The following WDR33 variants were observed in gnomAD, a reference collection of about 807,000 sequenced individuals.
The protein encoded by WDR33 is WD repeat domain 33, also known as pre-mRNA 3' end processing protein WDR33.
Under a neutral mutation model 164.9 loss-of-function variants are expected in WDR33, and 47 were observed. The ratio of observed to expected loss-of-function variants is 0.29; its 90% CI spans 0.23 to 0.36. WDR33 has a LOEUF of 0.36. WDR33 is among the 10% of genes least tolerant of loss of function. The pLI is 1.00. For missense variants in WDR33, 1,137 were observed against 1,754.1 expected, an observed-to-expected ratio of 0.65 and a Z score of 6.28; for synonymous variants, 505 against 589.0, an observed-to-expected ratio of 0.86 and a Z score of 2.06.
rs1558914192 is a variant in WDR33 at position 127,701,836 on chromosome 2, T to C, written c.*4487A>G. On this transcript the variant is annotated 3_prime_UTR_variant, in exon 22 of 22. Transcript: ENST00000322313. ...GCGCTCTACGCACCGGTGTTGCTGC[T>C]GCGCGCGCGCAAGTTCGCGCTGCTC... 3.4e-6 allele frequency: 5 copies of C among 1,458,702 alleles called. No homozygotes were observed. Among genetic ancestry groups the C allele is most frequent in the Non-Finnish European group, 4.5e-6 (5 of 1,109,882 alleles). 90.4% of individuals were successfully genotyped at this position (1,458,702 alleles called of 1,614,324 possible).
chr2:127,763,487 A>G lies in WDR33; in HGVS notation c.627-328T>C. The stretch of plus-strand genomic sequence containing the variant: ...GAAGCTGCCTTAAGTGGTGAAAATA[A>G]ATGGATTCTATTTTTGCAGTATTCC... On this transcript the variant is annotated intron_variant, in intron 6 of 21. Coordinates refer to ENST00000322313, the MANE Select transcript of WDR33 (RefSeq NM_018383.5). This position sits in a 1 kb window ranked among gnomAD's most constrained non-coding sequence, Gnocchi z 4.5. The G allele has an allele frequency of 9.3e-7, 1 of 1,072,900 alleles. No homozygotes were observed. Among genetic ancestry groups the G allele is most frequent in the African/African-American group, 1.7e-5 (1 of 60,162 alleles). 66.5% of individuals were successfully genotyped at this position (1,072,900 alleles called of 1,614,324 possible). A position where few individuals can be genotyped will look rare whatever the true frequency, so the allele number is the denominator to read the frequency against.
At chr2:127,795,836 G>GAA (rs200785408) in intron 1 of WDR33, among the ~76,000 whole-genome samples, 38 of 143,986 alleles carry the variant, frequency 2.6e-4, no homozygotes, top group South Asian at 4.4e-4. Context: ...TTTGTCTCCG[G>GAA]AAAAAAAAAA....
At chr2:127,766,187 T>C in intron 4 of WDR33, among the ~76,000 whole-genome samples, 1 of 152,164 alleles carries the variant, frequency 6.6e-6, no homozygotes, top group East Asian at 1.9e-4. Context: ...GTTTCTATGA[T>C]GGATCACACA....
intron 1 of WDR33, among the ~76,000 whole-genome samples, chr2:127,810,211 C>CT (rs2104699634): frequency 6.6e-6 from 1 of 152,266 alleles, no homozygotes; most frequent in Non-Finnish European, 1.5e-5. Context: ...GAACAGTCAA[C>CT]TTAAGATCAT....
chr2:127,771,269 A>G (rs1197504805), intron 1 of WDR33, among the ~76,000 whole-genome samples: 1 of 152,228 alleles, frequency 6.6e-6, no homozygotes, highest in Non-Finnish European at 1.5e-5. Flanking sequence ...CTACACACGT[A>G]GGCTACACGG....
chr2:127,798,892 CTTTT>C (rs545777982), intron 1 of WDR33: 1 of 142,284 alleles, frequency 7.0e-6, no homozygotes, highest in African/African-American at 2.6e-5. Context: ...TTATAGCTTT[CTTTT>C]TTTTTTTTTA....
In WDR33 at chr2:127,763,102, G is replaced by C; in HGVS notation, c.684C>G (p.Ile228Met). 1 of 1,614,072 alleles carries C rather than the reference G, an allele frequency of 6.2e-7. No homozygotes were observed. The highest frequency in any genetic ancestry group is 8.5e-7 in the Non-Finnish European group (1 of 1,179,934). ...ATCSDDGTVR[I>M]WDFLRCHEER... ...CCTCATGGCAACGAAGAAAGTCCCA[G>C]ATTCTAACAGTGCCGTCATCAGAGC... is the stretch of plus-strand genomic sequence containing the variant. The change falls in exon 7 of 22, where the codon ATC (isoleucine) becomes ATG (methionine). Residue 228 changes from isoleucine to methionine, a missense_variant. Around this residue, in one of 9 missense-constraint regions of WDR33, gnomAD observed 83 missense variants for 189.2 expected, o/e 0.44. Coordinates refer to ENST00000322313, the MANE Select transcript of WDR33 (RefSeq NM_018383.5). The surrounding 1 kb of genome is among the most constrained non-coding windows in gnomAD (Gnocchi z 4.5).
chr2:127,773,103 T>C (rs760483569), intron 1 of WDR33, among the ~76,000 whole-genome samples: 1 of 152,022 alleles, frequency 6.6e-6, no homozygotes, highest in Non-Finnish European at 1.5e-5. Flanking sequence ...ACCACTGCAC[T>C]CCAACCTGGG....
rs535406544 is a variant in WDR33 at position 127,718,627 on chromosome 2, G to C, written c.2760+638C>G. Among the ~76,000 whole-genome samples, 4 of 152,192 alleles carry C rather than the reference G, an allele frequency of 2.6e-5. No individual in the cohort carries two copies. In the South Asian group the frequency reaches 8.3e-4, roughly 32 times the overall value. ...AATTTCTACAGAAATGCTCCCCCCT[G>C]CAAATACTTTTATATGTGAGCTGAA... On this transcript the variant is annotated intron_variant, in intron 16 of 21. Coordinates refer to ENST00000322313, the MANE Select transcript of WDR33 (RefSeq NM_018383.5). The surrounding 1 kb of genome is among the most constrained non-coding windows in gnomAD (Gnocchi z 4.4).
chr2:127,793,442 A>C (rs1480939390), intron 1 of WDR33, among the ~76,000 whole-genome samples: 2 of 150,126 alleles, frequency 1.3e-5, no homozygotes, highest in Admixed American at 6.6e-5. Context: ...AGGAAAAAAA[A>C]CAAAAAGCTC....
In WDR33 at chr2:127,767,647, G is replaced by A. The variant is rs571954342; in HGVS notation, c.378+542C>T. On this transcript the variant is annotated intron_variant, in intron 4 of 21. Transcript: ENST00000322313. ...GGAGAATGGCGTGAACCCGGGGGGCGGAGCTTGCAGTGAGCCGAGATCACG... is the reference window on the plus strand; with the variant it reads ...GGAGAATGGCGTGAACCCGGGGGGCAGAGCTTGCAGTGAGCCGAGATCACG... Among the ~76,000 whole-genome samples the A allele has an allele frequency of 6.6e-5, 10 of 152,124 alleles. No individual in the cohort carries two copies. In the South Asian group the frequency reaches 1.7e-3, roughly 25 times the overall value.
At chr2:127,762,481 T>C (rs1687705511) in intron 7 of WDR33, 1 of 973,416 alleles carries the variant, frequency 1.0e-6, no homozygotes, top group Non-Finnish European at 1.2e-6. Context: ...AGTGAGAATA[T>C]GGACTTCAGT....
At chr2:127,776,568 G>A (rs149539817) in intron 1 of WDR33, among the ~76,000 whole-genome samples, 2,168 of 152,256 alleles carry the variant, frequency 0.014, 63 homozygotes, top group African/African-American at 0.05. Context: ...AATTAGCCGG[G>A]CCTGGTGGTG....
intron 18 of WDR33, among the ~76,000 whole-genome samples, chr2:127,711,747 TACAG>T (rs1686169278): frequency 1.9e-5 from 2 of 104,262 alleles, no homozygotes; most frequent in East Asian, 2.5e-4. Flanking sequence ...CAACCACATA[TACAG>T]ATATATATAT....
rs932495415 is a variant in WDR33, at chr2:127,705,367, C to T, written c.*956G>A. ...TCTGGCTTACTGTGAGTTAGAAGTA[C>T]GCCCTGCCGTAACACTGGTATTTCC... On this transcript the variant is annotated 3_prime_UTR_variant, in exon 22 of 22. Coordinates refer to ENST00000322313, the MANE Select transcript of WDR33 (RefSeq NM_018383.5). This position sits in a 1 kb window ranked among gnomAD's most constrained non-coding sequence, Gnocchi z 4.5. 4.5e-5 allele frequency: 7 copies of T among 156,490 alleles called. No homozygotes were observed. The highest frequency in any genetic ancestry group is 8.8e-5 in the Non-Finnish European group (6 of 68,056). 9.7% of individuals were successfully genotyped at this position (156,490 alleles called of 1,614,324 possible).
intron 7 of WDR33, among the ~76,000 whole-genome samples, chr2:127,757,928 G>A (rs1226961260): frequency 6.6e-6 from 1 of 152,124 alleles, no homozygotes; most frequent in Admixed American, 6.5e-5. Context: ...GGGGCACACA[G>A]AGACTTAACA....
chr2:127,779,449 G>A (rs1371615916), intron 1 of WDR33, among the ~76,000 whole-genome samples: 2 of 151,956 alleles, frequency 1.3e-5, no homozygotes, highest in Non-Finnish European at 2.9e-5. Context: ...CTGGGCAACA[G>A]GGCGAGACTC....
chr2:127,765,566 G>C (rs998400100), intron 4 of WDR33, among the ~76,000 whole-genome samples: 1 of 152,004 alleles, frequency 6.6e-6, no homozygotes, highest in East Asian at 1.9e-4. Flanking sequence ...TTTCAAAACA[G>C]AATATGCAAA....
At position 127,719,811 on chromosome 2, in the gene WDR33, T is replaced by A; in HGVS notation, c.2214A>T (p.Gln738His). 6.2e-7 allele frequency: 1 copy of A among 1,613,674 alleles called. No homozygotes were observed. The highest frequency in any genetic ancestry group is 8.5e-7 in the Non-Finnish European group (1 of 1,179,962). ...HLGPQGPPGT[Q>H]GMQGPPGPRG... ...TGGGACCAGGTGGTCCCTGCATACCTTGAGTACCCGGAGGCCCCTGTGGGC... is the reference window on the plus strand; with the variant it reads ...TGGGACCAGGTGGTCCCTGCATACCATGAGTACCCGGAGGCCCCTGTGGGC... The change falls in exon 16 of 22, where the codon CAA becomes CAT. Residue 738 changes from glutamine (Q) to histidine (H), a missense_variant. Coordinates refer to ENST00000322313, the MANE Select transcript of WDR33 (RefSeq NM_018383.5). This position sits in a 1 kb window ranked among gnomAD's most constrained non-coding sequence, Gnocchi z 6.5.
Sources: gnomAD v4.1 joint callset for allele counts (sites outside exome capture counted in the v4.1 genomes callset) on GRCh38, gnomAD v4.1.1 for gene constraint, gnomAD v4.1.1 regional missense constraint, Gnocchi (gnomAD v3.1) non-coding constraint, MANE v1.5 for transcripts, NCBI Gene and HGNC (gene_info 2026-07-23, HGNC 2026-07-21) for gene names.